The following CERT1 variants were observed in gnomAD, a reference collection of about 807,000 sequenced individuals.
The protein encoded by CERT1 is ceramide transfer protein.
In CERT1, 31 loss-of-function variants were observed where a neutral mutation model predicts 87.9. The observed-to-expected ratio is 0.35, with a 90% CI of 0.27 to 0.48. The LOEUF is 0.48. Ranked by LOEUF, CERT1 falls within the 20% of genes least tolerant of loss-of-function variation. The pLI, the probability that CERT1 is intolerant of heterozygous loss-of-function variation, is 0.99. For missense variants in CERT1, 487 were observed against 758.0 expected (o/e 0.64, Z 4.20); for synonymous variants, 289 against 250.9 (o/e 1.15, Z -1.44).
chr5:75,398,770 A>T (rs974468332), intron 11 of CERT1, among the ~76,000 whole-genome samples: 3 of 152,226 alleles, frequency 2.0e-5, no homozygotes, highest in Non-Finnish European at 4.4e-5. Context: ...CCATAGATTT[A>T]GCATATGAAC....
At chr5:75,441,765 T>C (rs1029994846) in intron 3 of CERT1, among the ~76,000 whole-genome samples, 1 of 152,234 alleles carries the variant, frequency 6.6e-6, no homozygotes, top group African/African-American at 2.4e-5. Flanking sequence ...GGTTGAGTGA[T>C]ATTCCATTGA....
At chr5:75,489,635 AG>A (rs771319899) in intron 2 of CERT1, among the ~76,000 whole-genome samples, 25 of 152,260 alleles carry the variant, frequency 1.6e-4, no homozygotes, top group Non-Finnish European at 3.4e-4. Context: ...CATGAAAAAA[AG>A]CTCATTATCA....
intron 5 of CERT1, among the ~76,000 whole-genome samples, chr5:75,421,459 T>C (rs1175481376): frequency 6.6e-6 from 1 of 152,238 alleles, no homozygotes; most frequent in Non-Finnish European, 1.5e-5. Flanking sequence ...TATTCATTTC[T>C]ACCTGGCTGT....
chr5:75,466,914 T>C (rs1310151145), intron 2 of CERT1, among the ~76,000 whole-genome samples: 1 of 152,250 alleles, frequency 6.6e-6, no homozygotes, highest in Non-Finnish European at 1.5e-5. Flanking sequence ...TTAAACACTT[T>C]CTGCTAAAAT....
In CERT1 at chr5:75,399,394, GAGAC is replaced by G. The variant is rs772259473; in HGVS notation, c.1111-11_1111-8del. ...AGGAAGAGCGACTATAGGGCTACCA[GAGAC>G]AGACAAAGAAAAAACCAAGTAATCA... On this transcript the variant is annotated splice_region_variant and splice_polypyrimidine_tract_variant and intron_variant, in intron 10 of 16. Coordinates refer to ENST00000643780, the MANE Select transcript of CERT1 (RefSeq NM_001379029.1). The G allele has an allele frequency of 6.2e-6, 10 of 1,609,598 alleles. No homozygotes were observed. The highest frequency in any genetic ancestry group is 1.6e-4 in the Middle Eastern group (1 of 6,074).
chr5:75,461,384 C>T (rs754496002), intron 2 of CERT1, among the ~76,000 whole-genome samples: 35 of 152,142 alleles, frequency 2.3e-4, no homozygotes, highest in Non-Finnish European at 4.7e-4. Context: ...AGAGTTTCAT[C>T]CCAAAGCCAT....
At chr5:75,410,769 C>A in intron 8 of CERT1, 1 of 261,326 alleles carries the variant, frequency 3.8e-6, no homozygotes, top group Non-Finnish European at 7.1e-6. Context: ...AAAATTTGTC[C>A]TATCAAGTGA....
At chr5:75,371,803 A>G (rs1341143343) in intron 17 of CERT1, 1 of 152,234 alleles carries the variant, frequency 6.6e-6, no homozygotes, top group Non-Finnish European at 1.5e-5. Flanking sequence ...GGGAAGACAA[A>G]TATCTGTAGA....
At chr5:75,478,583 G>A (rs1766079441) in intron 2 of CERT1, among the ~76,000 whole-genome samples, 2 of 152,186 alleles carry the variant, frequency 1.3e-5, no homozygotes, top group South Asian at 2.1e-4. Flanking sequence ...TTAAAAGTAA[G>A]AAGCAATTAG....
At chr5:75,382,646 C>T (rs920912479) in intron 14 of CERT1, among the ~76,000 whole-genome samples, 1 of 151,600 alleles carries the variant, frequency 6.6e-6, no homozygotes, top group East Asian at 1.9e-4. Context: ...AATGGGACTA[C>T]CTACTTTAAA....
At chr5:75,496,316 C>T (rs966220193) in intron 2 of CERT1, among the ~76,000 whole-genome samples, 2 of 147,674 alleles carry the variant, frequency 1.4e-5, no homozygotes, top group East Asian at 2.0e-4. Flanking sequence ...AAAAATGTGA[C>T]AATACCAAAT....
intron 5 of CERT1, among the ~76,000 whole-genome samples, chr5:75,420,611 A>G (rs1299259146): frequency 6.6e-6 from 1 of 152,132 alleles, no homozygotes. Context: ...CCCAGGCTGT[A>G]TCTGTATCCA....
upstream of CERT1, chr5:75,511,763 G>A (rs1048440912): frequency 5.8e-6 from 9 of 1,551,072 alleles, no homozygotes; most frequent in African/African-American, 1.4e-5. Flanking sequence ...CCCTACCTCC[G>A]GCTCTCCCGG....
At position 75,496,972 on chromosome 5, in the gene CERT1, A is replaced by G. The variant is rs181281298; in HGVS notation, c.231+9010T>C. 1.1e-3 allele frequency among the ~76,000 whole-genome samples: 164 copies of G among 152,340 alleles called. 2 individuals are homozygous for G. The highest frequency in any genetic ancestry group is 3.8e-3 in the African/African-American group (157 of 41,576). ...AATGTGATTTTTTAAAAGGCACAAC[A>G]TATCTTTTTTTTAAAAAAAGACATA... On this transcript the variant is annotated intron_variant, in intron 2 of 16. Transcript: ENST00000643780.
At chr5:75,457,668 T>C (rs1414505371) in intron 3 of CERT1, among the ~76,000 whole-genome samples, 1 of 151,802 alleles carries the variant, frequency 6.6e-6, no homozygotes, top group Non-Finnish European at 1.5e-5. Context: ...AAATCTTAAA[T>C]CAATAAACCA....
downstream of CERT1, chr5:75,374,747 A>G (rs1761226423): frequency 1.8e-6 from 1 of 567,712 alleles, no homozygotes; most frequent in Non-Finnish European, 3.4e-6. Context: ...GAAGGATCGA[A>G]CACCTCCACC....
intron 2 of CERT1, among the ~76,000 whole-genome samples, chr5:75,485,592 TAAAC>T (rs1174655536): frequency 7.9e-5 from 12 of 151,708 alleles, no homozygotes; most frequent in Admixed American, 7.9e-4. Context: ...TTTGAAAAGA[TAAAC>T]AAAATTGACA....
intron 2 of CERT1, among the ~76,000 whole-genome samples, chr5:75,487,037 C>CA (rs1428856255): frequency 2.0e-5 from 3 of 151,990 alleles, no homozygotes; most frequent in Non-Finnish European, 4.4e-5. Flanking sequence ...ATATCCTAAG[C>CA]AAAAAGAACA....
intron 5 of CERT1, 64 bp downstream of exon 5, chr5:75,425,297 G>A (rs1763567351): frequency 6.8e-7 from 1 of 1,481,268 alleles, no homozygotes; most frequent in Non-Finnish European, 9.3e-7. Flanking sequence ...ATTACCCTTT[G>A]AGATCAAGAG....
Sources: gnomAD v4.1 joint callset for allele counts (sites outside exome capture counted in the v4.1 genomes callset) on GRCh38, gnomAD v4.1.1 for gene constraint, MANE v1.5 for transcripts, NCBI Gene and HGNC (gene_info 2026-07-23, HGNC 2026-07-21) for gene names.